TJP1: variants seen among roughly 807,000 people sequenced by gnomAD.
TJP1 encodes the protein tight junction protein ZO-1.
Under a neutral mutation model 194.2 loss-of-function variants are expected in TJP1, and 43 were observed. The observed-to-expected ratio is 0.22, with a 90% CI of 0.17 to 0.29. The LOEUF (loss-of-function observed/expected upper bound fraction) is 0.29. Among genes scored for constraint, TJP1 ranks in the 10% least tolerant of loss-of-function variants. The pLI, the probability that TJP1 is intolerant of heterozygous loss-of-function variation, is 1.00. For synonymous variants in TJP1, 801 were observed against 779.0 expected (o/e 1.03, Z -0.47); for missense variants, 1,971 against 2,185.7 (o/e 0.90, Z 1.96).
chr15:29,742,828 G>T, intron 8 of TJP1, 47 bp from the exon 9 acceptor site: 1 of 1,524,864 alleles, frequency 6.6e-7, no homozygotes, highest in Non-Finnish European at 8.8e-7. Context: ...AATGATTCTG[G>T]AAAGCATCTG....
intron 1 of TJP1, among the ~76,000 whole-genome samples, chr15:29,820,936 G>A (rs1160354421): frequency 1.3e-5 from 2 of 152,160 alleles, no homozygotes; most frequent in African/African-American, 4.8e-5. Flanking sequence ...AAGTTTCAGA[G>A]GCATAGTATT....
chr15:29,968,105 T>G, intron 1 of TJP1: 1 of 985,412 alleles, frequency 1.0e-6, no homozygotes, highest in Non-Finnish European at 1.2e-6. Flanking sequence ...ATTACCTCAG[T>G]AACAGTTTCC....
In TJP1 at chr15:29,936,154, C is replaced by T. The variant is rs565349678; in HGVS notation, c.306+20078G>A. Among the ~76,000 whole-genome samples the T allele has an allele frequency of 5.9e-5, 9 of 152,236 alleles. No homozygotes were observed. In the East Asian group the frequency reaches 1.7e-3, roughly 29 times the overall value. ...CTCCTATGCGCTAGAGTCCATCCAT[C>T]TGTCCCATCCCTACAGCACCAGGGC... On this transcript the variant is annotated intron_variant, in intron 2 of 28. Coordinates refer to the TJP1 transcript ENST00000356107.
At chr15:29,935,338 AAC>A (rs2054848875) in intron 2 of TJP1, among the ~76,000 whole-genome samples, 1 of 152,302 alleles carries the variant, frequency 6.6e-6, no homozygotes, top group Admixed American at 6.5e-5. Context: ...TGTTCCAATA[AAC>A]AGGAACAACT....
At chr15:29,922,499 A>T (rs1292343947) in intron 2 of TJP1, among the ~76,000 whole-genome samples, 1 of 152,186 alleles carries the variant, frequency 6.6e-6, no homozygotes, top group Non-Finnish European at 1.5e-5. Context: ...CTATGTTTTT[A>T]AGTTTCTAAG....
At chr15:29,876,575 A>G (rs901509003) in intron 2 of TJP1, among the ~76,000 whole-genome samples, 6 of 152,084 alleles carry the variant, frequency 3.9e-5, no homozygotes, top group African/African-American at 1.4e-4. Flanking sequence ...ATCAGCTATC[A>G]TTAGTGTTAG....
At position 29,719,255 on chromosome 15, in the gene TJP1, A is replaced by G. The variant is rs2042783022; in HGVS notation, c.3004-117T>C. On this transcript the variant is annotated intron_variant, in intron 20 of 27. Coordinates refer to ENST00000614355, the MANE Select transcript of TJP1 (RefSeq NM_001330239.4). ...ATATGTGAAAATGGTATGTTTTACC[A>G]TTTATTATCAGGATAGACAAGATTA... The G allele has an allele frequency of 2.4e-6, 3 of 1,233,766 alleles. No homozygotes were observed. The South Asian group carries it at 4.9e-5, about 20-fold the overall frequency. 76.4% of individuals were successfully genotyped at this position (1,233,766 alleles called of 1,614,324 possible).
intron 13 of TJP1, 100 bp downstream of exon 13, chr15:29,732,993 GA>G: frequency 7.4e-7 from 1 of 1,357,942 alleles, no homozygotes; most frequent in Non-Finnish European, 1.0e-6. Context: ...TGAATACAAT[GA>G]AAAAGAATTC....
intron 2 of TJP1, among the ~76,000 whole-genome samples, chr15:29,838,993 T>A (rs891953483): frequency 2.2e-4 from 2 of 8,978 alleles, no homozygotes; most frequent in South Asian, 0.016. Flanking sequence ...AAAATTCACC[T>A]TTTTTTTTTT....
At chr15:29,859,112 C>T (rs1227670908) in intron 2 of TJP1, among the ~76,000 whole-genome samples, 2 of 152,118 alleles carry the variant, frequency 1.3e-5, no homozygotes, top group Non-Finnish European at 1.5e-5. Context: ...CATTAACATG[C>T]TATTTGTAAT....
intron 8 of TJP1, among the ~76,000 whole-genome samples, chr15:29,749,903 C>T (rs759834186): frequency 7.9e-5 from 12 of 152,090 alleles, no homozygotes; most frequent in Non-Finnish European, 1.5e-4. Flanking sequence ...AGTGCAGTGA[C>T]GCAATCTCGG....
At chr15:29,830,223 CTGCTCTATATGTGTGTATG>C (rs1312690257) in intron 2 of TJP1, among the ~76,000 whole-genome samples, 1 of 151,776 alleles carries the variant, frequency 6.6e-6, no homozygotes, top group African/African-American at 2.4e-5. Flanking sequence ...TACTCTGAAA[CTGCTCTATATGTGTGTATG>C]TGTACATCAA....
chr15:29,770,179 C>A (rs1225664231), intron 4 of TJP1, among the ~76,000 whole-genome samples: 1 of 152,100 alleles, frequency 6.6e-6, no homozygotes, highest in Non-Finnish European at 1.5e-5. Context: ...AGGTGCAGTG[C>A]CTCCTACCTG....
chr15:29,831,165 G>A (rs569764707), intron 2 of TJP1, among the ~76,000 whole-genome samples: 8 of 152,286 alleles, frequency 5.3e-5, no homozygotes, highest in African/African-American at 1.9e-4. Context: ...AGAAAGAGGA[G>A]AATATATTTT....
At chr15:29,964,906 G>C (rs950683381) in intron 1 of TJP1, among the ~76,000 whole-genome samples, 9 of 152,302 alleles carry the variant, frequency 5.9e-5, no homozygotes, top group Admixed American at 2.0e-4. Flanking sequence ...GGGTCTGACT[G>C]TCTGCTTTAG....
chr15:29,749,509 C>T (rs1023091023), intron 8 of TJP1, among the ~76,000 whole-genome samples: 1 of 152,106 alleles, frequency 6.6e-6, no homozygotes, highest in Non-Finnish European at 1.5e-5. Context: ...CCTGGGGAGA[C>T]GCTGTAGGAG....
At chr15:29,887,295 C>T (rs983013534) in intron 2 of TJP1, among the ~76,000 whole-genome samples, 6 of 147,366 alleles carry the variant, frequency 4.1e-5, no homozygotes, top group East Asian at 3.9e-4. Context: ...TAAATATATA[C>T]ATATATATGT....
chr15:29,929,332 C>G (rs1338195270), intron 2 of TJP1, among the ~76,000 whole-genome samples: 1 of 152,140 alleles, frequency 6.6e-6, no homozygotes, highest in Non-Finnish European at 1.5e-5. Flanking sequence ...AGCTAAACCA[C>G]TACTTAGAGA....
chr15:29,699,685 CA>C (rs1289515969), downstream of TJP1: 1 of 152,212 alleles, frequency 6.6e-6, no homozygotes, highest in African/African-American at 2.4e-5. Context: ...CAAATGTCAA[CA>C]GGGGTGGCAG....
Sources: gnomAD v4.1 joint callset for allele counts (sites outside exome capture counted in the v4.1 genomes callset) on GRCh38, gnomAD v4.1.1 for gene constraint, MANE v1.5 for transcripts, NCBI Gene and HGNC (gene_info 2026-07-23, HGNC 2026-07-21) for gene names.